Variants in LINGO2 observed in about 807,000 individuals in gnomAD.
LINGO2 encodes the protein leucine rich repeat and Ig domain containing 2.
LINGO2 carries 14 observed loss-of-function variants against 30.6 expected under a neutral mutation model. The observed-to-expected ratio is 0.46, with a 90% CI of 0.30 to 0.72. The LOEUF (loss-of-function observed/expected upper bound fraction) is 0.72, where lower values mean the gene tolerates loss of function less well. LINGO2 is among the 30% of genes least tolerant of loss of function. The probability of loss-of-function intolerance (pLI) is 0.07; values close to 1 mark genes in which losing one functional copy is unlikely to be tolerated. For missense variants in LINGO2, 729 were observed against 751.7 expected (o/e 0.97, Z 0.35); for synonymous variants, 317 against 288.5 (o/e 1.10, Z -1.00).
At chr9:28,409,235 C>T (rs1822647152) in intron 2 of LINGO2, among the ~76,000 whole-genome samples, 1 of 152,122 alleles carries the variant, frequency 6.6e-6, no homozygotes, top group Non-Finnish European at 1.5e-5. Flanking sequence ...TGTGATCCCG[C>T]TACAGGATCA....
chr9:28,580,479 A>G (rs1003519378), intron 1 of LINGO2, among the ~76,000 whole-genome samples: 2 of 151,988 alleles, frequency 1.3e-5, no homozygotes, highest in African/African-American at 4.8e-5. Flanking sequence ...CTGAATAAAT[A>G]TAGTACAAAT....
the LINGO2 span, among the ~76,000 whole-genome samples, chr9:29,034,546 T>C: frequency 2.0e-5 from 3 of 152,164 alleles, no homozygotes; most frequent in African/African-American, 7.2e-5. Context: ...ATTCCTTTTT[T>C]GGAGAGGTAC....
At chr9:28,696,896 T>C in the LINGO2 span, among the ~76,000 whole-genome samples, 12 of 151,972 alleles carry the variant, frequency 7.9e-5, no homozygotes, top group Non-Finnish European at 8.8e-5. Context: ...TTTTGTGCTA[T>C]ACAAGTGACA....
chr9:28,550,242 T>G (rs377097640), intron 1 of LINGO2, among the ~76,000 whole-genome samples: 1 of 151,874 alleles, frequency 6.6e-6, no homozygotes, highest in Admixed American at 6.6e-5. Flanking sequence ...TATTCCAACA[T>G]ACACATGGGA....
the LINGO2 span, among the ~76,000 whole-genome samples, chr9:28,693,326 C>A: frequency 6.6e-6 from 1 of 152,106 alleles, no homozygotes; most frequent in East Asian, 1.9e-4. Flanking sequence ...TACCATCTCT[C>A]ATTTACTCTT....
chr9:28,959,192 A>G, the LINGO2 span, among the ~76,000 whole-genome samples: 1 of 120,568 alleles, frequency 8.3e-6, no homozygotes, highest in Non-Finnish European at 1.9e-5. Flanking sequence ...GAAATGAGAA[A>G]TAAACCTATG....
the LINGO2 span, among the ~76,000 whole-genome samples, chr9:29,033,581 T>A: frequency 6.6e-6 from 1 of 151,864 alleles, no homozygotes; most frequent in Non-Finnish European, 1.5e-5. Flanking sequence ...ATTGGTGTTA[T>A]CTTGCTCTGT....
chr9:29,067,394 CT>C, the LINGO2 span, among the ~76,000 whole-genome samples: 2 of 151,668 alleles, frequency 1.3e-5, no homozygotes, highest in African/African-American at 4.8e-5. Context: ...AACATTGGAA[CT>C]TTTAAAAACT....
intron 1 of LINGO2, among the ~76,000 whole-genome samples, chr9:28,569,424 G>GATAT (rs34186498): frequency 7.3e-5 from 11 of 150,976 alleles, no homozygotes; most frequent in East Asian, 1.9e-4. Flanking sequence ...AAGAAAAGGT[G>GATAT]ATATATATAT....
the LINGO2 span, among the ~76,000 whole-genome samples, chr9:28,988,014 G>C: frequency 6.6e-6 from 1 of 152,164 alleles, no homozygotes; most frequent in South Asian, 2.1e-4. Context: ...GTTGCTGTTG[G>C]ATGAACTGTT....
At chr9:28,184,490 TAAA>T (rs1450009346) in intron 4 of LINGO2, among the ~76,000 whole-genome samples, 1 of 150,612 alleles carries the variant, frequency 6.6e-6, no homozygotes, top group African/African-American at 2.4e-5. Context: ...AGGTTCGACT[TAAA>T]AAATCCTACT....
At chr9:28,885,377 A>G in the LINGO2 span, among the ~76,000 whole-genome samples, 1 of 142,218 alleles carries the variant, frequency 7.0e-6, no homozygotes, top group Non-Finnish European at 1.5e-5. Context: ...ACACACACAT[A>G]TATATATACA....
At chr9:28,078,893 C>G (rs1825699153) in intron 4 of LINGO2, among the ~76,000 whole-genome samples, 1 of 147,604 alleles carries the variant, frequency 6.8e-6, no homozygotes, top group South Asian at 2.1e-4. Context: ...TCTTATAGGC[C>G]AAGTGGGAGC....
chr9:29,106,298 A>G, the LINGO2 span, among the ~76,000 whole-genome samples: 1 of 152,218 alleles, frequency 6.6e-6, no homozygotes, highest in East Asian at 1.9e-4. Flanking sequence ...TGTCACTTAC[A>G]TTTGGGGAGA....
chr9:28,279,105 GT>G (rs1823231482), intron 4 of LINGO2, among the ~76,000 whole-genome samples: 1 of 152,294 alleles, frequency 6.6e-6, no homozygotes, highest in Non-Finnish European at 1.5e-5. Flanking sequence ...TCCTGAAGAT[GT>G]GACTAAATTG....
At chr9:29,147,510 G>A in the LINGO2 span, among the ~76,000 whole-genome samples, 1 of 151,998 alleles carries the variant, frequency 6.6e-6, no homozygotes, top group Admixed American at 6.6e-5. Context: ...AAAAAGCAAT[G>A]AGCTTTGATA....
At chr9:28,988,016 T>C in the LINGO2 span, among the ~76,000 whole-genome samples, 2 of 152,206 alleles carry the variant, frequency 1.3e-5, no homozygotes. Flanking sequence ...TGCTGTTGGA[T>C]GAACTGTTTT....
chr9:29,045,616 G>A, the LINGO2 span, among the ~76,000 whole-genome samples: 1 of 150,982 alleles, frequency 6.6e-6, no homozygotes, highest in Non-Finnish European at 1.5e-5. Context: ...ACTGGGGATA[G>A]GCTCTTTGGG....
In LINGO2 at chr9:28,510,590, G is replaced by A. The variant is rs116723706; in HGVS notation, c.-364-34565C>T. ...AGGAGGTGGAAGATGAAGGAGAACA[G>A]GCACATTCAGTGAAACTTTTATTGA... On this transcript the variant is annotated intron_variant, in intron 1 of 5. Transcript: ENST00000379992. Among the ~76,000 whole-genome samples, 237 of 151,960 alleles carry A rather than the reference G, an allele frequency of 1.6e-3. 1 individual carries two copies. Among genetic ancestry groups the A allele is most frequent in the Middle Eastern group, 6.8e-3 (2 of 294 alleles).
Sources: gnomAD v4.1 joint callset for allele counts (sites outside exome capture counted in the v4.1 genomes callset) on GRCh38, gnomAD v4.1.1 for gene constraint, MANE v1.5 for transcripts, NCBI Gene and HGNC (gene_info 2026-07-23, HGNC 2026-07-21) for gene names.